Variants in CYP39A1 observed in about 807,000 individuals in gnomAD.
The protein encoded by CYP39A1 is cytochrome P450 family 39 subfamily A member 1.
A neutral mutation model predicts 58.1 loss-of-function variants in CYP39A1; 49 were observed. That is an observed-to-expected ratio of 0.84 (90% CI 0.67 to 1.07). The LOEUF (loss-of-function observed/expected upper bound fraction) is 1.07, where lower values mean the gene tolerates loss of function less well. CYP39A1 is among the 50% of genes least tolerant of loss of function. The pLI is 0.00. For missense variants in CYP39A1, 531 were observed against 539.4 expected, an observed-to-expected ratio of 0.98 and a Z score of 0.16; for synonymous variants, 209 against 187.6, an observed-to-expected ratio of 1.11 and a Z score of -0.93.
intron 1 of CYP39A1, among the ~76,000 whole-genome samples, chr6:46,643,897 T>C (rs905923429): frequency 2.0e-5 from 3 of 152,350 alleles, no homozygotes; most frequent in African/African-American, 7.2e-5. Flanking sequence ...GGTGCTTGTA[T>C]ATTTTTTAAC....
chr6:46,646,460 T>A (rs1434351371), intron 1 of CYP39A1, among the ~76,000 whole-genome samples: 2 of 152,152 alleles, frequency 1.3e-5, no homozygotes, highest in African/African-American at 4.8e-5. Flanking sequence ...TACTGATAAA[T>A]TTTATTTGCT....
chr6:46,617,147 G>C (rs1359951971), intron 7 of CYP39A1, among the ~76,000 whole-genome samples: 2 of 152,042 alleles, frequency 1.3e-5, no homozygotes, highest in Non-Finnish European at 2.9e-5. Flanking sequence ...CTATTGTCTT[G>C]GCAGACACAT....
chr6:46,652,511 C>T lies in CYP39A1; in HGVS notation c.72G>A (p.Lys24=), dbSNP rs199681970. The T allele has an allele frequency of 1.2e-6, 2 of 1,614,022 alleles. No individual in the cohort carries two copies. The highest frequency in any genetic ancestry group is 1.7e-5 in the Admixed American group (1 of 60,000). Residue 24 remains lysine, a synonymous_variant, in exon 1 of 12, where the codon AAG becomes AAA. Transcript: ENST00000275016. ...CLALFLLLQR[K]NLRRPPCIKG... is the part of the protein sequence containing the mutation. ...TGATGCACGGGGGTCTACGCAAATT[C>T]TTCCGCTGAAGGAGTAAGAACAGAG...
intron 5 of CYP39A1, among the ~76,000 whole-genome samples, chr6:46,632,041 T>C (rs998692694): frequency 6.6e-6 from 1 of 152,230 alleles, no homozygotes; most frequent in Admixed American, 6.5e-5. Flanking sequence ...TTTAAGTGTA[T>C]TGCAAGTATT....
At chr6:46,591,180 GTTTACATTTTTATGTTTTTACA>G (rs1387825133) in intron 8 of CYP39A1, among the ~76,000 whole-genome samples, 1 of 152,000 alleles carries the variant, frequency 6.6e-6, no homozygotes, top group East Asian at 1.9e-4. Context: ...GTTGTTTTAG[GTTTACATTTTTATGTTTTTACA>G]TTTACATTTT....
intron 6 of CYP39A1, among the ~76,000 whole-genome samples, chr6:46,627,409 CT>C (rs1775381037): frequency 8.7e-6 from 1 of 114,316 alleles, no homozygotes; most frequent in South Asian, 3.5e-4. Context: ...ATGGCTGTTA[CT>C]TTTATTTATT....
chr6:46,568,583 G>C (rs904404950), intron 10 of CYP39A1, among the ~76,000 whole-genome samples: 1 of 152,018 alleles, frequency 6.6e-6, no homozygotes, highest in Non-Finnish European at 1.5e-5. Context: ...GGTTATAAGA[G>C]TCCAACTTCA....
chr6:46,651,422 G>A (rs1762680339), intron 1 of CYP39A1, among the ~76,000 whole-genome samples: 1 of 152,050 alleles, frequency 6.6e-6, no homozygotes, highest in Non-Finnish European at 1.5e-5. Context: ...AAAATCAAAA[G>A]CACATAAAAG....
chr6:46,589,569 C>T (rs1772697923), intron 8 of CYP39A1, among the ~76,000 whole-genome samples: 1 of 152,030 alleles, frequency 6.6e-6, no homozygotes, highest in Non-Finnish European at 1.5e-5. Context: ...CTGAGTATTG[C>T]TTGAGATTTG....
In CYP39A1 at chr6:46,616,180, TTTCTTTCTTCTTTC is replaced by T. The variant is rs1561994060; in HGVS notation, c.931+9224_931+9237del. ...TCTTTCTTTTTTCTTTCTTTCTTTC[TTTCTTTCTTCTTTC>T]CCTCCCTCCCTCCCTCCCTCCCTCC... On this transcript the variant is annotated intron_variant, in intron 7 of 11. Coordinates refer to ENST00000275016, the MANE Select transcript of CYP39A1 (RefSeq NM_016593.5). Among the ~76,000 whole-genome samples the T allele has an allele frequency of 1.2e-3, 46 of 37,854 alleles. 3 individuals are homozygous for T. The highest frequency in any genetic ancestry group is 5.7e-3 in the African/African-American group (45 of 7,950). The allele number at this position is 37,854 out of a possible 152,430, so 24.8% of individuals were successfully genotyped here. A position where few individuals can be genotyped will look rare whatever the true frequency, so the allele number is the denominator to read the frequency against.
chr6:46,557,933 C>CAAAAAAAAAAAAAAA (rs1186594398), intron 10 of CYP39A1, among the ~76,000 whole-genome samples: 85 of 37,494 alleles, frequency 2.3e-3, no homozygotes, highest in African/African-American at 5.1e-3. Flanking sequence ...GACTCCATCT[C>CAAAAAAAAAAAAAAA]AAAAAAAAAA....
At chr6:46,575,699 A>C (rs762718203) in intron 10 of CYP39A1, among the ~76,000 whole-genome samples, 9 of 152,172 alleles carry the variant, frequency 5.9e-5, no homozygotes, top group Non-Finnish European at 1.0e-4. Flanking sequence ...AACAGACTGG[A>C]AACACCTCAA....
intron 10 of CYP39A1, among the ~76,000 whole-genome samples, 164 bp downstream of exon 10, chr6:46,586,913 G>C (rs1772500339): frequency 6.6e-6 from 1 of 152,042 alleles, no homozygotes; most frequent in African/African-American, 2.4e-5. Context: ...TATTCCCAGA[G>C]AGACACTGCA....
At chr6:46,603,627 G>C (rs558387500) in intron 7 of CYP39A1, among the ~76,000 whole-genome samples, 1 of 152,048 alleles carries the variant, frequency 6.6e-6, no homozygotes, top group African/African-American at 2.4e-5. Flanking sequence ...CCTTTTTCCC[G>C]GGCACATCCT....
At chr6:46,563,438 C>T (rs929289389) in intron 10 of CYP39A1, among the ~76,000 whole-genome samples, 19 of 152,048 alleles carry the variant, frequency 1.2e-4, no homozygotes, top group Non-Finnish European at 2.1e-4. Flanking sequence ...AAAATAGAAA[C>T]ATGTTGAAAA....
chr6:46,642,800 C>A (rs192035454), intron 1 of CYP39A1, among the ~76,000 whole-genome samples: 2 of 152,310 alleles, frequency 1.3e-5, no homozygotes, highest in Admixed American at 6.5e-5. Flanking sequence ...ACCTGTACAA[C>A]CTGCCCAACC....
chr6:46,622,225 T>G (rs1774998503), intron 7 of CYP39A1, among the ~76,000 whole-genome samples: 1 of 152,064 alleles, frequency 6.6e-6, no homozygotes, highest in African/African-American at 2.4e-5. Context: ...TTGAAGGTGA[T>G]AAAAATGTTC....
chr6:46,592,828 C>G (rs868767568), intron 8 of CYP39A1, among the ~76,000 whole-genome samples: 10 of 152,092 alleles, frequency 6.6e-5, no homozygotes, highest in Admixed American at 6.5e-5. Flanking sequence ...TGATGGCACA[C>G]TCCTGTAATC....
At chr6:46,550,752 T>C (rs770906943) in intron 11 of CYP39A1, among the ~76,000 whole-genome samples, 14 of 152,240 alleles carry the variant, frequency 9.2e-5, no homozygotes, top group Non-Finnish European at 1.9e-4. Flanking sequence ...TCTACAATTC[T>C]GGCTCAAAAA....
Sources: gnomAD v4.1 joint callset for allele counts (sites outside exome capture counted in the v4.1 genomes callset) on GRCh38, gnomAD v4.1.1 for gene constraint, MANE v1.5 for transcripts, NCBI Gene and HGNC (gene_info 2026-07-23, HGNC 2026-07-21) for gene names.